FHIT: variants seen among roughly 807,000 people sequenced by gnomAD.
FHIT encodes bis(5'-adenosyl)-triphosphatase.
In FHIT, 19 loss-of-function variants were observed where a neutral mutation model predicts 17.9. The observed-to-expected ratio is 1.06, with a 90% confidence interval of 0.74 to 1.56. The LOEUF is 1.56. FHIT is among the 40% of genes most tolerant of loss of function. The pLI, the probability that FHIT is intolerant of heterozygous loss-of-function variation, is 0.00. For missense variants in FHIT, 248 were observed against 189.2 expected (o/e 1.31, Z -1.82); for synonymous variants, 81 against 69.7 (o/e 1.16, Z -0.81).
intron 1 of FHIT, among the ~76,000 whole-genome samples, chr3:61,226,886 T>C (rs1010199988): frequency 6.6e-6 from 1 of 152,174 alleles, no homozygotes; most frequent in Non-Finnish European, 1.5e-5. Flanking sequence ...ATGGGTAGAA[T>C]GCTGAAAACA....
At chr3:61,034,399 A>G (rs965012524) in intron 3 of FHIT, among the ~76,000 whole-genome samples, 11 of 152,284 alleles carry the variant, frequency 7.2e-5, no homozygotes, top group East Asian at 1.9e-4. Context: ...TATACAGTAT[A>G]AGAAATTCTT....
chr3:60,180,953 G>T (rs78831144), intron 5 of FHIT, among the ~76,000 whole-genome samples: 5,081 of 151,904 alleles, frequency 0.033, 264 homozygotes, highest in African/African-American at 0.12. Flanking sequence ...TGATAATCTG[G>T]ATATTTTTAA....
intron 5 of FHIT, among the ~76,000 whole-genome samples, chr3:60,162,319 T>C (rs1700975923): frequency 1.3e-5 from 2 of 152,318 alleles, no homozygotes; most frequent in East Asian, 1.9e-4. Flanking sequence ...ACATTTTCTA[T>C]AGTCACCTGC....
At chr3:59,781,965 T>C (rs1007198273) in intron 8 of FHIT, among the ~76,000 whole-genome samples, 2 of 152,222 alleles carry the variant, frequency 1.3e-5, no homozygotes, top group African/African-American at 4.8e-5. Context: ...TTTGCATTTG[T>C]CTAAAATCTA....
intron 2 of FHIT, among the ~76,000 whole-genome samples, chr3:61,092,648 G>A (rs2035521790): frequency 6.6e-6 from 1 of 152,012 alleles, no homozygotes; most frequent in Admixed American, 6.6e-5. Flanking sequence ...AGCACCCATT[G>A]AAAAAGTTAT....
intron 5 of FHIT, among the ~76,000 whole-genome samples, chr3:60,117,494 T>TA (rs34113926): frequency 0.023 from 1,954 of 86,752 alleles, 77 homozygotes; most frequent in African/African-American, 0.046. Flanking sequence ...ACTTCCTATC[T>TA]AAAAAAAAAA....
intron 4 of FHIT, among the ~76,000 whole-genome samples, chr3:60,703,978 G>A (rs9865526): frequency 0.044 from 6,745 of 151,974 alleles, 522 homozygotes; most frequent in African/African-American, 0.15. Context: ...GAAAGTGAAT[G>A]GCTATAAAAT....
intron 8 of FHIT, among the ~76,000 whole-genome samples, chr3:59,860,049 A>G (rs1189687618): frequency 6.6e-6 from 1 of 152,238 alleles, no homozygotes; most frequent in African/African-American, 2.4e-5. Context: ...GAGAATTAAA[A>G]TGTTGCAAGG....
chr3:60,623,939 C>T (rs989647051), intron 4 of FHIT, among the ~76,000 whole-genome samples: 10 of 152,244 alleles, frequency 6.6e-5, no homozygotes, highest in African/African-American at 2.2e-4. Context: ...TGCTATACAA[C>T]GAGTAAAACA....
At chr3:61,105,238 CT>C (rs71629118) in intron 2 of FHIT, among the ~76,000 whole-genome samples, 1 of 150,498 alleles carries the variant, frequency 6.6e-6, no homozygotes, top group African/African-American at 2.4e-5. Context: ...CCTTTGGATG[CT>C]TTTTTTTTCT....
intron 4 of FHIT, among the ~76,000 whole-genome samples, chr3:60,589,620 T>C (rs570261368): frequency 2.2e-4 from 33 of 152,072 alleles, no homozygotes; most frequent in African/African-American, 7.0e-4. Context: ...ATTTTTAAGA[T>C]AACTCTGTGG....
chr3:60,870,374 A>G (rs1021265904), intron 3 of FHIT, among the ~76,000 whole-genome samples: 4 of 152,162 alleles, frequency 2.6e-5, no homozygotes, highest in Non-Finnish European at 5.9e-5. Context: ...AAAAGCTACA[A>G]AGAGATGTTG....
chr3:60,261,772 T>A (rs1275461571), intron 5 of FHIT, among the ~76,000 whole-genome samples: 2 of 151,818 alleles, frequency 1.3e-5, no homozygotes, highest in African/African-American at 4.8e-5. Flanking sequence ...TTCCTGCCCT[T>A]CTCCTCTGAA....
chr3:60,032,744 C>T (rs532348292), intron 5 of FHIT, among the ~76,000 whole-genome samples: 1 of 152,064 alleles, frequency 6.6e-6, no homozygotes, highest in African/African-American at 2.4e-5. Context: ...TCCATAGACC[C>T]GCAGCTGTCT....
intron 1 of FHIT, among the ~76,000 whole-genome samples, chr3:61,217,690 G>C (rs1473351437): frequency 1.3e-5 from 2 of 152,090 alleles, no homozygotes; most frequent in Non-Finnish European, 2.9e-5. Context: ...TAAATGTGCT[G>C]ATGTGATCAC....
At chr3:60,704,067 CT>C (rs1158725635) in intron 4 of FHIT, among the ~76,000 whole-genome samples, 1 of 152,078 alleles carries the variant, frequency 6.6e-6, no homozygotes, top group Admixed American at 6.5e-5. Context: ...TACATACCAT[CT>C]TCCTCCCACA....
intron 7 of FHIT, among the ~76,000 whole-genome samples, chr3:59,964,949 T>C (rs1454857554): frequency 6.6e-6 from 1 of 152,136 alleles, no homozygotes; most frequent in Non-Finnish European, 1.5e-5. Flanking sequence ...ACCAGTTTCA[T>C]AAATCATATT....
At chr3:60,422,339 C>T (rs1702508096) in intron 5 of FHIT, among the ~76,000 whole-genome samples, 1 of 152,078 alleles carries the variant, frequency 6.6e-6, no homozygotes, top group Admixed American at 6.6e-5. Flanking sequence ...TATAGCCAGC[C>T]CTGCAATGCT....
chr3:59,852,182 T>G (rs1701968411), intron 8 of FHIT, among the ~76,000 whole-genome samples: 1 of 152,190 alleles, frequency 6.6e-6, no homozygotes, highest in South Asian at 2.1e-4. Context: ...AGGCCTTCAG[T>G]GTAAGCTCTT....
Sources: gnomAD v4.1 joint callset for allele counts (sites outside exome capture counted in the v4.1 genomes callset) on GRCh38, gnomAD v4.1.1 for gene constraint, MANE v1.5 for transcripts, NCBI Gene and HGNC (gene_info 2026-07-23, HGNC 2026-07-21) for gene names.